RBM33: variants seen among roughly 807,000 people sequenced by gnomAD.
RBM33 encodes the protein RNA-binding protein 33.
In RBM33, 28 loss-of-function variants were observed where a neutral mutation model predicts 132.6. That is an observed-to-expected ratio of 0.21 (90% confidence interval 0.16 to 0.29). The LOEUF (loss-of-function observed/expected upper bound fraction) is 0.29, where lower values mean the gene tolerates loss of function less well. Ranked by LOEUF, RBM33 falls within the 10% of genes least tolerant of loss-of-function variation. The pLI is 1.00. For synonymous variants in RBM33, 634 were observed against 593.0 expected, an observed-to-expected ratio of 1.07 and a Z score of -1.01; for missense variants, 1,291 against 1,518.5, an observed-to-expected ratio of 0.85 and a Z score of 2.49.
intron 14 of RBM33, among the ~76,000 whole-genome samples, chr7:155,759,953 C>G (rs1042157214): frequency 6.6e-6 from 1 of 152,190 alleles, no homozygotes; most frequent in African/African-American, 2.4e-5. Context: ...CCACGTGACA[C>G]TTCATGTTGC....
intron 9 of RBM33, among the ~76,000 whole-genome samples, chr7:155,721,550 A>G (rs1459219918): frequency 3.3e-5 from 5 of 152,238 alleles, no homozygotes; most frequent in African/African-American, 9.6e-5. Context: ...AAGGCAGACA[A>G]TACGCAAAAG....
At position 155,744,996 on chromosome 7, in the gene RBM33, C is replaced by T. The variant is rs1801465121; in HGVS notation, c.2373C>T (p.Arg791=). ...PDEDEETRLY[R]LKIEEQKRLR... Reference sequence around the variant, plus strand: ...AAGATGAGGAAACAAGGTTATATCGCTTAAAGATAGAAGAACAGAAACGCC... The same window carrying T: ...AAGATGAGGAAACAAGGTTATATCGTTTAAAGATAGAAGAACAGAAACGCC... The change falls in exon 14 of 18, where the codon CGC becomes CGT. Residue 791 remains arginine, a synonymous_variant. Transcript: ENST00000401878. 6.3e-7 allele frequency: 1 copy of T among 1,598,154 alleles called. No homozygotes were observed. The highest frequency in any genetic ancestry group is 8.5e-7 in the Non-Finnish European group (1 of 1,175,056).
intron 1 of RBM33, among the ~76,000 whole-genome samples, chr7:155,651,377 C>T (rs1159834069): frequency 6.6e-6 from 1 of 152,074 alleles, no homozygotes; most frequent in Non-Finnish European, 1.5e-5. Flanking sequence ...AGTTTGAGGA[C>T]ATTCTGATTC....
intron 9 of RBM33, among the ~76,000 whole-genome samples, chr7:155,720,331 C>G (rs1800581865): frequency 6.6e-6 from 1 of 152,152 alleles, no homozygotes; most frequent in South Asian, 2.1e-4. Context: ...CAGTGCACTA[C>G]TTATTTCTCA....
chr7:155,685,180 C>G, intron 5 of RBM33: 2 of 950,960 alleles, frequency 2.1e-6, no homozygotes, highest in Non-Finnish European at 3.0e-6. Context: ...TAGTGAAAAA[C>G]TTGAACTTTC....
intron 1 of RBM33, among the ~76,000 whole-genome samples, chr7:155,647,031 A>G (rs1358853176): frequency 6.6e-6 from 1 of 152,238 alleles, no homozygotes; most frequent in Non-Finnish European, 1.5e-5. Context: ...AGAAATATTT[A>G]CATTGGTAAT....
At position 155,774,877 on chromosome 7, in the gene RBM33, A is replaced by C; in HGVS notation, c.3465-116A>C. On this transcript the variant is annotated intron_variant, in intron 17 of 17. Coordinates refer to ENST00000401878, the MANE Select transcript of RBM33 (RefSeq NM_053043.3). This position sits in a 1 kb window ranked among gnomAD's most constrained non-coding sequence, Gnocchi z 4.2. The stretch of plus-strand genomic sequence containing the variant: ...ATCTTCCCGGGGAATCTGCCTTTTT[A>C]TATGATGCGTTTTTATTAAACAGGA... The C allele has an allele frequency of 1.1e-6, 1 of 939,496 alleles. No homozygotes were observed. The highest frequency in any genetic ancestry group is 1.7e-6 in the Non-Finnish European group (1 of 599,506). 58.2% of individuals were successfully genotyped at this position (939,496 alleles called of 1,614,324 possible).
chr7:155,708,231 G>A (rs1027517784), intron 7 of RBM33, among the ~76,000 whole-genome samples: 1 of 152,204 alleles, frequency 6.6e-6, no homozygotes, highest in Non-Finnish European at 1.5e-5. Context: ...GGAGTAGGTA[G>A]GCATACACAA....
At chr7:155,684,601 C>G (rs1456657988) in intron 5 of RBM33, among the ~76,000 whole-genome samples, 2 of 152,180 alleles carry the variant, frequency 1.3e-5, no homozygotes, top group Non-Finnish European at 2.9e-5. Context: ...CTGCTGAGCT[C>G]CTTTTTGAGA....
At chr7:155,686,441 G>T (rs1231589384) in intron 5 of RBM33, among the ~76,000 whole-genome samples, 1 of 151,828 alleles carries the variant, frequency 6.6e-6, no homozygotes, top group African/African-American at 2.4e-5. Context: ...TTCGGTGCCT[G>T]TTAATTCCAT....
At chr7:155,749,425 C>T (rs866279757) in intron 14 of RBM33, among the ~76,000 whole-genome samples, 9 of 152,258 alleles carry the variant, frequency 5.9e-5, no homozygotes, top group African/African-American at 2.2e-4. Flanking sequence ...TAAAGCTGGG[C>T]TTCCACCTGT....
chr7:155,754,701 A>G (rs1374557098), intron 14 of RBM33, among the ~76,000 whole-genome samples: 1 of 152,254 alleles, frequency 6.6e-6, no homozygotes, highest in Non-Finnish European at 1.5e-5. Context: ...TCAGAAAGGT[A>G]GACTGTTAAG....
chr7:155,655,038 C>T (rs996941975), intron 1 of RBM33, among the ~76,000 whole-genome samples: 2 of 152,130 alleles, frequency 1.3e-5, no homozygotes, highest in African/African-American at 4.8e-5. Flanking sequence ...CAAGCTATTA[C>T]TCTAATAAAT....
At chr7:155,730,556 A>G (rs1800926926) in intron 9 of RBM33, among the ~76,000 whole-genome samples, 1 of 152,226 alleles carries the variant, frequency 6.6e-6, no homozygotes, top group Non-Finnish European at 1.5e-5. Flanking sequence ...AGACAGATTC[A>G]GTCATGAGCT....
chr7:155,660,308 C>T (rs187359696), intron 1 of RBM33, among the ~76,000 whole-genome samples: 39 of 152,290 alleles, frequency 2.6e-4, no homozygotes, highest in Admixed American at 2.5e-3. Context: ...CTCCTGGCCT[C>T]AAGCGACTAC....
At chr7:155,657,618 G>A (rs942825534) in intron 1 of RBM33, among the ~76,000 whole-genome samples, 2 of 152,044 alleles carry the variant, frequency 1.3e-5, no homozygotes, top group African/African-American at 2.4e-5. Context: ...AGCAATCCTC[G>A]CTTCTCAGGC....
intron 3 of RBM33, among the ~76,000 whole-genome samples, chr7:155,675,435 G>C (rs915080687): frequency 6.6e-6 from 1 of 151,520 alleles, no homozygotes; most frequent in Non-Finnish European, 1.5e-5. Context: ...TTGAATGTTT[G>C]TATATGCTAC....
chr7:155,780,778 T>TCCATC lies in RBM33; in HGVS notation c.*5737_*5738insCCATC, dbSNP rs1554490907. On this transcript the variant is annotated 3_prime_UTR_variant, in exon 18 of 18. Transcript: ENST00000401878. ...GTGCTGACGATTTTCACACTGTGTT[T>TCCATC]ACCACTCCATCACCTCTCAACCTTT... is the stretch of plus-strand genomic sequence containing the variant. 1.0e-5 allele frequency: 1 copy of TCCATC among 100,284 alleles called. No individual in the cohort carries two copies. The highest frequency in any genetic ancestry group is 4.2e-4 in the South Asian group (1 of 2,382). The allele number at this position is 100,284 out of a possible 1,614,324, so 6.2% of individuals were successfully genotyped here. A position where few individuals can be genotyped will look rare whatever the true frequency, so the allele number is the denominator to read the frequency against.
intron 16 of RBM33, among the ~76,000 whole-genome samples, chr7:155,769,902 T>C (rs923657548): frequency 2.0e-5 from 3 of 152,170 alleles, no homozygotes; most frequent in East Asian, 1.9e-4. Flanking sequence ...GCTAGTTAAC[T>C]GGAGGCTCTC....
Sources: allele counts gnomAD v4.1 joint callset (sites outside exome capture counted in the v4.1 genomes callset), GRCh38; gene constraint gnomAD v4.1.1; non-coding constraint Gnocchi (gnomAD v3.1); transcripts MANE v1.5; gene names NCBI Gene and HGNC (gene_info 2026-07-23, HGNC 2026-07-21).